MDGA2: variants seen among roughly 807,000 people sequenced by gnomAD.
MDGA2 encodes MAM domain containing glycosylphosphatidylinositol anchor 2.
A neutral mutation model predicts 117.8 loss-of-function variants in MDGA2; 40 were observed. That is an observed-to-expected ratio of 0.34 (90% CI 0.26 to 0.44). MDGA2 has a LOEUF of 0.44. MDGA2 is among the 20% of genes least tolerant of loss of function. The pLI is 1.00. For synonymous variants in MDGA2, 452 were observed against 439.0 expected (o/e 1.03, Z -0.37); for missense variants, 1,123 against 1,250.6 (o/e 0.90, Z 1.54).
At chr14:47,213,747 T>C (rs1449238097) in intron 3 of MDGA2, among the ~76,000 whole-genome samples, 3 of 152,136 alleles carry the variant, frequency 2.0e-5, no homozygotes, top group Non-Finnish European at 4.4e-5. Flanking sequence ...GAATACAGTA[T>C]TTTCCTTTTT....
intron 1 of MDGA2, among the ~76,000 whole-genome samples, chr14:47,582,686 G>A (rs761250976): frequency 3.3e-5 from 5 of 151,738 alleles, no homozygotes; most frequent in Non-Finnish European, 7.4e-5. Context: ...AGGATGTATC[G>A]ATGCTAGGCT....
chr14:47,390,494 G>A (rs1424303623), intron 1 of MDGA2, among the ~76,000 whole-genome samples: 1 of 152,134 alleles, frequency 6.6e-6, no homozygotes, highest in African/African-American at 2.4e-5. Flanking sequence ...ATGACAATAT[G>A]CATGGTCACC....
intron 1 of MDGA2, among the ~76,000 whole-genome samples, chr14:47,414,515 GCGATATAGA>G (rs1330290839): frequency 6.6e-6 from 1 of 152,006 alleles, no homozygotes; most frequent in Non-Finnish European, 1.5e-5. Flanking sequence ...TGAATTTCTT[GCGATATAGA>G]TAGATAAGAA....
In MDGA2 at chr14:47,588,237, G is replaced by GAT. The variant is rs536923185; in HGVS notation, c.280+86278_280+86279dup. 1.3e-3 allele frequency among the ~76,000 whole-genome samples: 158 copies of GAT among 123,870 alleles called. 2 individuals carry two copies. Among genetic ancestry groups the GAT allele is most frequent in the Middle Eastern group, 4.5e-3 (1 of 220 alleles). The allele number at this position is 123,870 out of a possible 152,430, so 81.3% of individuals were successfully genotyped here. A position where few individuals can be genotyped will look rare whatever the true frequency, so the allele number is the denominator to read the frequency against. The stretch of plus-strand genomic sequence containing the variant: ...TTTTCAAATCTCTTGGAGATAGATA[G>GAT]ATATATATATATATATATATATATA... On this transcript the variant is annotated intron_variant, in intron 1 of 16. Transcript: ENST00000399232.
intron 1 of MDGA2, among the ~76,000 whole-genome samples, chr14:47,335,271 A>G (rs936703158): frequency 6.9e-6 from 1 of 144,626 alleles, no homozygotes; most frequent in Non-Finnish European, 1.5e-5. Context: ...ACAGAAAAAA[A>G]AAAAGTATAT....
intron 8 of MDGA2, among the ~76,000 whole-genome samples, chr14:46,986,149 T>G (rs979258506): frequency 1.3e-5 from 2 of 152,022 alleles, no homozygotes; most frequent in African/African-American, 4.8e-5. Flanking sequence ...AGACCACTGT[T>G]TTTTTGCTTA....
chr14:47,624,750 G>C (rs531763384), intron 1 of MDGA2, among the ~76,000 whole-genome samples: 1 of 152,148 alleles, frequency 6.6e-6, no homozygotes, highest in Admixed American at 6.5e-5. Flanking sequence ...TCTCAACCTA[G>C]GGAAACATAA....
At chr14:47,192,652 A>G (rs2139411525) in intron 3 of MDGA2, among the ~76,000 whole-genome samples, 1 of 152,194 alleles carries the variant, frequency 6.6e-6, no homozygotes, top group South Asian at 2.1e-4. Flanking sequence ...ATAAATAAAT[A>G]AACAAGATAT....
chr14:47,614,060 T>C (rs1275972019), intron 1 of MDGA2, among the ~76,000 whole-genome samples: 2 of 151,554 alleles, frequency 1.3e-5, no homozygotes, highest in Non-Finnish European at 2.9e-5. Flanking sequence ...TTGTTTAAAT[T>C]TGCCCAGAGA....
intron 9 of MDGA2, among the ~76,000 whole-genome samples, chr14:46,927,953 T>G (rs1209726443): frequency 1.3e-5 from 2 of 152,176 alleles, no homozygotes; most frequent in Non-Finnish European, 1.5e-5. Context: ...TACTGATTAG[T>G]TAAATAATAA....
chr14:47,561,985 C>A (rs1241941553), intron 1 of MDGA2, among the ~76,000 whole-genome samples: 1 of 152,144 alleles, frequency 6.6e-6, no homozygotes, highest in Non-Finnish European at 1.5e-5. Flanking sequence ...TTAAGATGAT[C>A]ATGTGATTTT....
chr14:47,674,699 C>T lies in MDGA2; in HGVS notation c.98G>A (p.Gly33Glu), dbSNP rs1898144241. The T allele has an allele frequency of 9.7e-7, 1 of 1,025,716 alleles. No homozygotes were observed. Among genetic ancestry groups the T allele is most frequent in the African/African-American group, 1.6e-5 (1 of 62,854 alleles). 63.5% of individuals were successfully genotyped at this position (1,025,716 alleles called of 1,614,324 possible). A position where few individuals can be genotyped will look rare whatever the true frequency, so the allele number is the denominator to read the frequency against. Residue 33 changes from glycine (G) to glutamate (E), a missense_variant, in exon 1 of 17, where the codon GGG becomes GAG. Gly to Glu is a moderately conservative substitution (Grantham distance 98). Transcript: ENST00000399232. ...RRFLLRRAVP[G>E]HLGLARARVE... The stretch of plus-strand genomic sequence containing the variant: ...TCGCGCCCGGGCCAAGCCGAGGTGC[C>T]CGGGAACCGCTCGCCGAAGGAGGAA...
chr14:47,172,068 C>A (rs1036262937), intron 3 of MDGA2, among the ~76,000 whole-genome samples: 1 of 152,138 alleles, frequency 6.6e-6, no homozygotes, highest in Non-Finnish European at 1.5e-5. Flanking sequence ...TGAGATCAAA[C>A]TGCAAGGTGG....
intron 1 of MDGA2, among the ~76,000 whole-genome samples, chr14:47,433,577 T>TA (rs1892840708): frequency 6.6e-6 from 1 of 152,138 alleles, no homozygotes; most frequent in South Asian, 2.1e-4. Context: ...AATTCAGGAC[T>TA]AAGGAGACAT....
At chr14:47,667,704 G>A (rs1274617754) in intron 1 of MDGA2, among the ~76,000 whole-genome samples, 1 of 152,156 alleles carries the variant, frequency 6.6e-6, no homozygotes, top group African/African-American at 2.4e-5. Flanking sequence ...TGTCCATTAA[G>A]ACTTAGAGAC....
chr14:46,993,588 A>T (rs1327395722), intron 8 of MDGA2, among the ~76,000 whole-genome samples: 1 of 151,672 alleles, frequency 6.6e-6, no homozygotes, highest in East Asian at 1.9e-4. Flanking sequence ...CAGCCTCCCG[A>T]GTATCTGGGA....
chr14:46,914,472 T>C (rs1883826587), intron 10 of MDGA2, among the ~76,000 whole-genome samples: 1 of 152,102 alleles, frequency 6.6e-6, no homozygotes, highest in Non-Finnish European at 1.5e-5. Context: ...TAATGCATTA[T>C]TTTACAAGAA....
rs59154505 is a variant in MDGA2, at chr14:46,948,900, C to T, written c.2089+8474G>A. Among the ~76,000 whole-genome samples the T allele has an allele frequency of 4.0e-3, 601 of 152,094 alleles. 6 individuals are homozygous for T. The highest frequency in any genetic ancestry group is 0.014 in the African/African-American group (583 of 41,532). Reference sequence around the variant, plus strand: ...AGCTCAATTGTGCATTGATTACTTACTTTATCTCTGACATCAGTCATCCTC... The same window carrying T: ...AGCTCAATTGTGCATTGATTACTTATTTTATCTCTGACATCAGTCATCCTC... On this transcript the variant is annotated intron_variant, in intron 9 of 16. Coordinates refer to ENST00000399232, the MANE Select transcript of MDGA2 (RefSeq NM_001113498.3).
chr14:47,187,895 C>T (rs1307017657), intron 3 of MDGA2, among the ~76,000 whole-genome samples: 1 of 151,420 alleles, frequency 6.6e-6, no homozygotes, highest in African/African-American at 2.4e-5. Flanking sequence ...CTACATTGTT[C>T]ATGTTTTATT....
Sources: gnomAD v4.1 joint callset for allele counts (sites outside exome capture counted in the v4.1 genomes callset) on GRCh38, gnomAD v4.1.1 for gene constraint, MANE v1.5 for transcripts, NCBI Gene and HGNC (gene_info 2026-07-23, HGNC 2026-07-21) for gene names.